TRHR: variants seen among roughly 807,000 people sequenced by gnomAD.
TRHR encodes the protein thyrotropin-releasing hormone receptor.
TRHR carries 14 observed loss-of-function variants against 28.0 expected under a neutral mutation model. That is an observed-to-expected ratio of 0.50 (90% CI 0.33 to 0.78). The LOEUF is 0.78. Among genes scored for constraint, TRHR ranks in the 30% least tolerant of loss-of-function variants. TRHR has a pLI of 0.02. For missense variants in TRHR, 438 were observed against 469.5 expected, an observed-to-expected ratio of 0.93 and a Z score of 0.62; for synonymous variants, 176 against 171.9, an observed-to-expected ratio of 1.02 and a Z score of -0.18.
intron 2 of TRHR, among the ~76,000 whole-genome samples, chr8:109,099,173 T>C (rs1028824186): frequency 6.6e-6 from 1 of 152,076 alleles, no homozygotes; most frequent in African/African-American, 2.4e-5. Flanking sequence ...AGGAGGAGTT[T>C]TATGGAGGAG....
At chr8:109,098,462 C>T (rs1254999213) in intron 2 of TRHR, among the ~76,000 whole-genome samples, 1 of 152,140 alleles carries the variant, frequency 6.6e-6, no homozygotes, top group Admixed American at 6.5e-5. Flanking sequence ...TTGCCCTCCT[C>T]CAGTTCTTCT....
chr8:109,111,786 T>C (rs1811834197), intron 2 of TRHR, among the ~76,000 whole-genome samples: 1 of 152,208 alleles, frequency 6.6e-6, no homozygotes, highest in Non-Finnish European at 1.5e-5. Context: ...AGGTTTTTTG[T>C]TGATTTACTT....
chr8:109,101,878 CTG>C (rs955478855), intron 2 of TRHR, among the ~76,000 whole-genome samples: 1 of 152,026 alleles, frequency 6.6e-6, no homozygotes, highest in Non-Finnish European at 1.5e-5. Context: ...AAAAGAAACT[CTG>C]GAATAGCTAG....
At chr8:109,097,454 C>A (rs1811611939) in intron 2 of TRHR, among the ~76,000 whole-genome samples, 1 of 152,120 alleles carries the variant, frequency 6.6e-6, no homozygotes, top group African/African-American at 2.4e-5. Context: ...ATGTATTGAG[C>A]ACCAATTTTA....
rs374896332 is a variant in TRHR at position 109,088,131 on chromosome 8, G to T, written c.619G>T (p.Ala207Ser). ...GVFYVVPMIL[A>S]TVLYGFIARI... ...CTTTTATGTTGTGCCAATGATCCTG[G>T]CTACCGTCCTCTATGGATTCATAGC... Residue 207 changes from alanine (A) to serine (S), a missense_variant, in exon 2 of 3, where the codon GCT becomes TCT. Transcript: ENST00000518632. 2.4e-5 allele frequency: 39 copies of T among 1,613,944 alleles called. No homozygotes were observed. Among genetic ancestry groups the T allele is most frequent in the Non-Finnish European group, 3.1e-5 (37 of 1,180,026 alleles).
rs777865512 is a variant in TRHR at position 109,088,181 on chromosome 8, T to G, written c.669T>G (p.Ile223Met). The change falls in exon 2 of 3, where the codon ATT (isoleucine) becomes ATG (methionine). Residue 223 changes from isoleucine (I) to methionine (M), a missense_variant. Ile to Met is a conservative substitution (Grantham distance 10). Transcript: ENST00000518632. ...CTAGAATCCTTTTCTTAAATCCCATTCCTTCAGATCCTAAAGAAAACTCTA... is the reference window on the plus strand; with the variant it reads ...CTAGAATCCTTTTCTTAAATCCCATGCCTTCAGATCCTAAAGAAAACTCTA... ...FIARILFLNP[I>M]PSDPKENSKT... is the part of the protein sequence containing the mutation. 6.2e-7 allele frequency: 1 copy of G among 1,614,154 alleles called. No homozygotes were observed. The highest frequency in any genetic ancestry group is 1.1e-5 in the South Asian group (1 of 91,078).
At chr8:109,116,875 AG>A (rs1378455990) in intron 2 of TRHR, among the ~76,000 whole-genome samples, 2 of 152,024 alleles carry the variant, frequency 1.3e-5, no homozygotes, top group Non-Finnish European at 2.9e-5. Flanking sequence ...CAACAAGTAT[AG>A]GTCACTGCAA....
intron 2 of TRHR, among the ~76,000 whole-genome samples, chr8:109,093,856 TAAA>T (rs77744561): frequency 2.8e-5 from 4 of 140,816 alleles, no homozygotes; most frequent in Non-Finnish European, 4.7e-5. Context: ...CCAACTCATT[TAAA>T]AAAAAAAAAA....
chr8:109,107,351 A>AT (rs1238715414), intron 2 of TRHR, among the ~76,000 whole-genome samples: 5 of 152,154 alleles, frequency 3.3e-5, no homozygotes, highest in Non-Finnish European at 5.9e-5. Context: ...TACCTCATTT[A>AT]TTCTTCGTAC....
chr8:109,091,711 G>A (rs1404448756), intron 2 of TRHR, among the ~76,000 whole-genome samples: 1 of 152,030 alleles, frequency 6.6e-6, no homozygotes, highest in Non-Finnish European at 1.5e-5. Context: ...CAAAATCTTT[G>A]TTTTCTTTTA....
chr8:109,112,574 T>C (rs970031309), intron 2 of TRHR, among the ~76,000 whole-genome samples: 5 of 152,202 alleles, frequency 3.3e-5, no homozygotes, highest in Admixed American at 2.0e-4. Context: ...TGTTACGAAA[T>C]CTTCTTCCTA....
At chr8:109,107,272 C>T (rs1811765860) in intron 2 of TRHR, among the ~76,000 whole-genome samples, 1 of 152,102 alleles carries the variant, frequency 6.6e-6, no homozygotes. Flanking sequence ...AAATCTCATC[C>T]CCTTAAATTA....
rs35750135 is a variant in TRHR at position 109,095,959 on chromosome 8, C to T, written c.789+7658C>T. Among the ~76,000 whole-genome samples the T allele has an allele frequency of 9.6e-3, 1,464 of 152,198 alleles. 5 individuals are homozygous for T. Among genetic ancestry groups the T allele is most frequent in the East Asian group, 0.018 (94 of 5,166 alleles). On this transcript the variant is annotated intron_variant, in intron 2 of 2. Transcript: ENST00000518632. ...TGCCTCTCACTGCCCTATTTCACTG[C>T]ACACCTTACCAGCCTCTCTGGCTCC... is the stretch of plus-strand genomic sequence containing the variant.
At chr8:109,114,926 A>C (rs542692039) in intron 2 of TRHR, among the ~76,000 whole-genome samples, 1 of 152,172 alleles carries the variant, frequency 6.6e-6, no homozygotes, top group Admixed American at 6.6e-5. Flanking sequence ...ACTGATACAC[A>C]GTAGGGATGC....
intron 2 of TRHR, among the ~76,000 whole-genome samples, chr8:109,095,607 C>T (rs1811576964): frequency 6.6e-6 from 1 of 152,170 alleles, no homozygotes; most frequent in South Asian, 2.1e-4. Context: ...CCCATGCTTA[C>T]AACTTTCACC....
At chr8:109,095,810 T>A (rs111435179) in intron 2 of TRHR, among the ~76,000 whole-genome samples, 27 of 152,186 alleles carry the variant, frequency 1.8e-4, no homozygotes, top group Admixed American at 6.5e-4. Flanking sequence ...TCCTTCTAAG[T>A]GCCTTTTTCT....
At position 109,087,472 on chromosome 8, in the gene TRHR, T is replaced by G. The variant is rs1038964088; in HGVS notation, c.-41T>G. 1.2e-6 allele frequency: 2 copies of G among 1,611,492 alleles called. No homozygotes were observed. The highest frequency in any genetic ancestry group is 1.3e-5 in the African/African-American group (1 of 74,898). On this transcript the variant is annotated 5_prime_UTR_variant, in exon 2 of 3. Coordinates refer to ENST00000518632, the MANE Select transcript of TRHR (RefSeq NM_003301.7). ...AGGTGGGCGCTGGAAAGAAGATGTTTTGAGAAGTCAGTGTTTCCGAGAAAC... is the reference window on the plus strand; with the variant it reads ...AGGTGGGCGCTGGAAAGAAGATGTTGTGAGAAGTCAGTGTTTCCGAGAAAC...
At chr8:109,089,064 G>A (rs1047048039) in intron 2 of TRHR, among the ~76,000 whole-genome samples, 2 of 152,096 alleles carry the variant, frequency 1.3e-5, no homozygotes, top group Admixed American at 1.3e-4. Context: ...GTTGAATAGT[G>A]GTTTTACTAG....
Position 109,119,633 on chromosome 8 carries a change from CT to C in TRHR, c.*180del. On this transcript the variant is annotated 3_prime_UTR_variant, in exon 3 of 3. Coordinates refer to ENST00000518632, the MANE Select transcript of TRHR (RefSeq NM_003301.7). Reference sequence around the variant, plus strand: ...CATGAGGATGATTCAGACTTTCCTTCTTACAAACTAATATCACTAAAAATGG... The same window carrying C: ...CATGAGGATGATTCAGACTTTCCTTCTACAAACTAATATCACTAAAAATGG... The C allele has an allele frequency of 3.0e-6, 2 of 668,026 alleles. No individual in the cohort carries two copies. The highest frequency in any genetic ancestry group is 4.9e-6 in the Non-Finnish European group (2 of 405,226). 41.4% of individuals were successfully genotyped at this position (668,026 alleles called of 1,614,324 possible).
Sources: allele counts gnomAD v4.1 joint callset (sites outside exome capture counted in the v4.1 genomes callset), GRCh38; gene constraint gnomAD v4.1.1; transcripts MANE v1.5; gene names NCBI Gene and HGNC (gene_info 2026-07-23, HGNC 2026-07-21).